Variants in GNB4 observed in about 807,000 individuals in gnomAD.
GNB4 encodes guanine nucleotide-binding protein subunit beta-4.
In GNB4, 28 loss-of-function variants were observed where a neutral mutation model predicts 45.2. The observed-to-expected ratio is 0.62, with a 90% CI of 0.46 to 0.85. GNB4 has a LOEUF of 0.85. Ranked by LOEUF, GNB4 falls within the 40% of genes least tolerant of loss-of-function variation. The pLI, the probability that GNB4 is intolerant of heterozygous loss-of-function variation, is 0.00. For synonymous variants in GNB4, 132 were observed against 143.7 expected (o/e 0.92, Z 0.58); for missense variants, 321 against 425.4 (o/e 0.75, Z 2.16).
chr3:179,442,211 T>G (rs755513938), intron 1 of GNB4, among the ~76,000 whole-genome samples: 25 of 152,232 alleles, frequency 1.6e-4, no homozygotes, highest in Non-Finnish European at 3.4e-4. Context: ...CAAATGTTTA[T>G]GAGAATGTGG....
At chr3:179,405,750 C>T (rs780979077) in intron 8 of GNB4, 12 of 174,618 alleles carry the variant, frequency 6.9e-5, no homozygotes, top group African/African-American at 1.4e-4. Flanking sequence ...TGTTGTAGAA[C>T]GAATGGCAAG....
the GNB4 span, among the ~76,000 whole-genome samples, chr3:179,466,289 G>T: frequency 6.6e-6 from 1 of 152,088 alleles, no homozygotes; most frequent in Non-Finnish European, 1.5e-5. Context: ...AGGATTACAG[G>T]CATGAGCCAC....
At chr3:179,508,479 G>C in the GNB4 span, among the ~76,000 whole-genome samples, 7 of 152,188 alleles carry the variant, frequency 4.6e-5, no homozygotes, top group Non-Finnish European at 1.0e-4. Context: ...ATAGCTATCT[G>C]CTTACATTTG....
the GNB4 span, among the ~76,000 whole-genome samples, chr3:179,457,095 TAAAC>T: frequency 6.6e-6 from 1 of 152,084 alleles, no homozygotes; most frequent in Non-Finnish European, 1.5e-5. Flanking sequence ...CTCAGTATCA[TAAAC>T]AAACAAACAA....
the GNB4 span, among the ~76,000 whole-genome samples, chr3:179,517,736 C>T: frequency 9.8e-3 from 1,485 of 152,280 alleles, 26 homozygotes; most frequent in African/African-American, 0.033. Context: ...ATCTTAATTT[C>T]AGTTCCTTTC....
In GNB4 at chr3:179,400,433, T is replaced by C. The variant is rs1278292408; in HGVS notation, c.*780A>G. On this transcript the variant is annotated 3_prime_UTR_variant, in exon 10 of 10. Transcript: ENST00000232564. ...GAAATGAAAAGGAAAGTCCAGCTAT[T>C]TAGGGGGGTACTCAAAGTGTCAACT... is the stretch of plus-strand genomic sequence containing the variant. 1.3e-5 allele frequency: 2 copies of C among 152,202 alleles called. No homozygotes were observed. Among genetic ancestry groups the C allele is most frequent in the Non-Finnish European group, 2.9e-5 (2 of 68,040 alleles). 9.4% of individuals were successfully genotyped at this position (152,202 alleles called of 1,614,324 possible). A position where few individuals can be genotyped will look rare whatever the true frequency, so the allele number is the denominator to read the frequency against.
intron 4 of GNB4, 55 bp downstream of exon 4, chr3:179,419,344 T>TAATGA (rs1403837855): frequency 3.8e-6 from 4 of 1,061,098 alleles, no homozygotes; most frequent in Non-Finnish European, 5.9e-6. Context: ...TGATGGTTCT[T>TAATGA]AATGAAAATA....
At chr3:179,468,221 C>T in the GNB4 span, among the ~76,000 whole-genome samples, 306 of 150,852 alleles carry the variant, frequency 2.0e-3, no homozygotes, top group Non-Finnish European at 3.6e-3. Context: ...CAAGACCTGG[C>T]GCAGTGGCTC....
chr3:179,416,379 CAATA>C, intron 5 of GNB4, 110 bp downstream of exon 5: 1 of 641,732 alleles, frequency 1.6e-6, no homozygotes, highest in Non-Finnish European at 2.7e-6. Flanking sequence ...TTAAAATAAA[CAATA>C]AATTTATCTC....
the GNB4 span, among the ~76,000 whole-genome samples, chr3:179,488,507 T>C: frequency 6.6e-6 from 1 of 152,198 alleles, no homozygotes; most frequent in Non-Finnish European, 1.5e-5. Flanking sequence ...TTACACTTCC[T>C]GCCTATAGGT....
the GNB4 span, among the ~76,000 whole-genome samples, chr3:179,506,794 T>G: frequency 6.6e-6 from 1 of 152,312 alleles, no homozygotes; most frequent in South Asian, 2.1e-4. Flanking sequence ...TCTCTCATTT[T>G]TTTCTATATT....
the GNB4 span, among the ~76,000 whole-genome samples, chr3:179,459,213 C>T: frequency 1.3e-5 from 2 of 152,182 alleles, no homozygotes; most frequent in Non-Finnish European, 1.5e-5. Context: ...AGTAGCTAGA[C>T]AACCTAAGGA....
chr3:179,405,957 G>C (rs555320643), intron 8 of GNB4: 1 of 151,998 alleles, frequency 6.6e-6, no homozygotes, highest in Non-Finnish European at 1.5e-5. Flanking sequence ...ATCTTATTTC[G>C]TGCCTTCTTA....
At chr3:179,415,427 A>AT (rs1210162704) in intron 5 of GNB4, among the ~76,000 whole-genome samples, 7 of 152,244 alleles carry the variant, frequency 4.6e-5, no homozygotes, top group Admixed American at 2.0e-4. Context: ...TTCCTCCAAC[A>AT]TAACTCTGAA....
intron 4 of GNB4, among the ~76,000 whole-genome samples, chr3:179,418,544 T>A (rs949291134): frequency 6.6e-6 from 1 of 151,210 alleles, no homozygotes; most frequent in African/African-American, 2.4e-5. Context: ...GCCAATTATA[T>A]AATTTTATGT....
Position 179,414,809 on chromosome 3 carries a change from A to G in GNB4, c.430+76T>C, listed in dbSNP as rs111932621. On this transcript the variant is annotated intron_variant, in intron 6 of 9. Coordinates refer to ENST00000232564, the MANE Select transcript of GNB4 (RefSeq NM_021629.4). ...CTCATCCTTTAGCCAGCCGAGCACA[A>G]TCTGTCATTTGTCCTTGATCAGCAC... The G allele has an allele frequency of 1.5e-3, 1,777 of 1,222,266 alleles. 1 individual carries two copies. The highest frequency in any genetic ancestry group is 1.6e-3 in the Non-Finnish European group (1,407 of 890,130). 75.7% of individuals were successfully genotyped at this position (1,222,266 alleles called of 1,614,324 possible).
intron 1 of GNB4, among the ~76,000 whole-genome samples, chr3:179,433,576 A>C (rs1252772470): frequency 6.6e-6 from 1 of 151,554 alleles, no homozygotes; most frequent in Non-Finnish European, 1.5e-5. Flanking sequence ...CTGCACTCAA[A>C]CCTGGGAAAC....
At chr3:179,431,891 C>G (rs1348481394) in intron 1 of GNB4, among the ~76,000 whole-genome samples, 3 of 152,202 alleles carry the variant, frequency 2.0e-5, no homozygotes, top group Non-Finnish European at 4.4e-5. Context: ...ATCCAGCAAA[C>G]AATCTGTGGA....
chr3:179,484,836 A>ATGTGTG, the GNB4 span, among the ~76,000 whole-genome samples: 18,264 of 146,940 alleles, frequency 0.12, 1,169 homozygotes, highest in East Asian at 0.26. Flanking sequence ...AGCTATATAT[A>ATGTGTG]TGTGTGTGTG....
Sources: allele counts gnomAD v4.1 joint callset (sites outside exome capture counted in the v4.1 genomes callset), GRCh38; gene constraint gnomAD v4.1.1; transcripts MANE v1.5; gene names NCBI Gene and HGNC (gene_info 2026-07-23, HGNC 2026-07-21).